D2HGDH: variants seen among roughly 807,000 people sequenced by gnomAD.
D2HGDH encodes the protein D-2-hydroxyglutarate dehydrogenase, mitochondrial.
A neutral mutation model predicts 46.9 loss-of-function variants in D2HGDH; 31 were observed. The observed-to-expected ratio is 0.66, with a 90% CI of 0.50 to 0.89. The LOEUF (loss-of-function observed/expected upper bound fraction) is 0.89, where lower values mean the gene tolerates loss of function less well. D2HGDH is among the 40% of genes least tolerant of loss of function. D2HGDH has a pLI of 0.00. For synonymous variants in D2HGDH, 364 were observed against 332.6 expected, an observed-to-expected ratio of 1.09 and a Z score of -1.03; for missense variants, 698 against 720.8, an observed-to-expected ratio of 0.97 and a Z score of 0.36.
intron 6 of D2HGDH, chr2:241,749,718 G>C (rs568403792): frequency 3.0e-6 from 1 of 330,832 alleles, no homozygotes; most frequent in Admixed American, 4.4e-5. Context: ...GTGGTTCTTC[G>C]GCGCCTTCCC....
chr2:241,747,551 T>G (rs1575258249), intron 6 of D2HGDH, among the ~76,000 whole-genome samples: 5 of 151,370 alleles, frequency 3.3e-5, no homozygotes, highest in South Asian at 4.2e-4. Flanking sequence ...AGAGTGTTTT[T>G]TTTTTTTTTT....
chr2:241,758,156 G>A (rs2076495938), intron 9 of D2HGDH, among the ~76,000 whole-genome samples: 2 of 152,214 alleles, frequency 1.3e-5, no homozygotes, highest in South Asian at 2.1e-4. Flanking sequence ...TGCTGGATGA[G>A]TTTGTTTATG....
chr2:241,755,588 ACTGT>A (rs762406870), intron 8 of D2HGDH: 2 of 1,482,702 alleles, frequency 1.3e-6, no homozygotes, highest in South Asian at 1.2e-5. Flanking sequence ...TGGGACATTC[ACTGT>A]CTGGGATTGA....
rs1252789625 is a variant in D2HGDH at position 241,768,687 on chromosome 2, A to C, written c.*718A>C. 1 of 152,176 alleles carries C rather than the reference A, an allele frequency of 6.6e-6. No individual in the cohort carries two copies. Among genetic ancestry groups the C allele is most frequent in the Non-Finnish European group, 1.5e-5 (1 of 68,134 alleles). 9.4% of individuals were successfully genotyped at this position (152,176 alleles called of 1,614,324 possible). ...TGCGGGCGAGGGCCCCGGCACGGAC[A>C]AGGGCCACTGCAGAGTGTGTTTCTG... On this transcript the variant is annotated 3_prime_UTR_variant, in exon 10 of 10. Coordinates refer to ENST00000321264, the MANE Select transcript of D2HGDH (RefSeq NM_152783.5).
chr2:241,756,153 A>G, intron 9 of D2HGDH, 139 bp downstream of exon 9: 1 of 1,266,996 alleles, frequency 7.9e-7, no homozygotes, highest in Non-Finnish European at 1.1e-6. Flanking sequence ...CACTGGCAGG[A>G]CCACGGTGTC....
rs1489075007 is a variant in D2HGDH, at chr2:241,768,272, G to A, written c.*303G>A. The A allele has an allele frequency of 2.3e-6, 1 of 435,120 alleles. No homozygotes were observed. Among genetic ancestry groups the A allele is most frequent in the Non-Finnish European group, 4.2e-6 (1 of 239,910 alleles). The allele number at this position is 435,120 out of a possible 1,614,324, so 27.0% of individuals were successfully genotyped here. The stretch of plus-strand genomic sequence containing the variant: ...TGGAAGCGGGGTGGGTCTCACTTGC[G>A]TGGTGGCCCCTGGCCCCATCTTGCC... On this transcript the variant is annotated 3_prime_UTR_variant, in exon 10 of 10. Coordinates refer to ENST00000321264, the MANE Select transcript of D2HGDH (RefSeq NM_152783.5).
At chr2:241,755,678 G>A (rs986902733) in intron 8 of D2HGDH, 171 bp from the exon 9 acceptor site, 11 of 1,547,540 alleles carry the variant, frequency 7.1e-6, no homozygotes, top group African/African-American at 2.7e-5. Context: ...TGGGACATTC[G>A]CTGTCTGGGG....
At chr2:241,738,522 A>G (rs1302272367) in intron 2 of D2HGDH, among the ~76,000 whole-genome samples, 1 of 152,166 alleles carries the variant, frequency 6.6e-6, no homozygotes, top group African/African-American at 2.4e-5. Flanking sequence ...TGCTGCCCTC[A>G]TGGGCAAGGG....
chr2:241,764,189 C>T (rs182082950), intron 9 of D2HGDH, among the ~76,000 whole-genome samples: 5 of 130,582 alleles, frequency 3.8e-5, no homozygotes, highest in African/African-American at 1.5e-4. Context: ...GTGGGAGGGG[C>T]GGGGACTGGG....
intron 6 of D2HGDH, 118 bp downstream of exon 6, chr2:241,744,995 T>C (rs1695491429): frequency 1.5e-6 from 2 of 1,329,498 alleles, no homozygotes; most frequent in Admixed American, 1.9e-5. Flanking sequence ...GACAGTCGGT[T>C]CCCGTGTCTC....
intron 6 of D2HGDH, chr2:241,749,605 A>G (rs1013440748): frequency 6.3e-6 from 2 of 319,034 alleles, no homozygotes; most frequent in African/African-American, 4.3e-5. Context: ...GATTGTGTTA[A>G]GAGAAATGCA....
At chr2:241,737,130 G>A (rs536206529) in intron 2 of D2HGDH, among the ~76,000 whole-genome samples, 1 of 152,194 alleles carries the variant, frequency 6.6e-6, no homozygotes, top group African/African-American at 2.4e-5. Flanking sequence ...CACCACGCCC[G>A]GCTCATTCTT....
At chr2:241,735,048 C>T (rs1692375625) in intron 1 of D2HGDH, 85 bp from the exon 2 acceptor site, 1 of 708,394 alleles carries the variant, frequency 1.4e-6, no homozygotes. Flanking sequence ...CCTTCGCTGC[C>T]CTCCTGCCCC....
Position 241,767,861 on chromosome 2 carries a change from G to A in D2HGDH, c.1458G>A (p.Leu486=). ...HGVGFRKRDV[L]GYSKPPGALQ... is the part of the protein sequence containing the mutation. ...TGGGCTTCAGGAAGAGGGACGTCCT[G>A]GGCTACAGCAAGCCACCGGGGGCCC... The change falls in exon 10 of 10, where the codon CTG becomes CTA. Residue 486 remains leucine, a synonymous_variant. Transcript: ENST00000321264. 10 of 1,611,018 alleles carry A rather than the reference G, an allele frequency of 6.2e-6. No individual in the cohort carries two copies. The highest frequency in any genetic ancestry group is 1.3e-5 in the African/African-American group (1 of 74,974).
chr2:241,749,444 G>A (rs1055815165), intron 6 of D2HGDH: 7 of 1,135,646 alleles, frequency 6.2e-6, no homozygotes, highest in East Asian at 6.1e-5. Context: ...GGGGCTGCCC[G>A]CCTGCAGACA....
In D2HGDH at chr2:241,768,770, A is replaced by G. The variant is rs35671465; in HGVS notation, c.*801A>G. 25,075 of 152,218 alleles carry G rather than the reference A, an allele frequency of 0.16. 2,174 individuals are homozygous for G. The highest frequency in any genetic ancestry group is 0.21 in the Admixed American group (3,142 of 15,296). The allele number at this position is 152,218 out of a possible 1,614,324, so 9.4% of individuals were successfully genotyped here. On this transcript the variant is annotated 3_prime_UTR_variant, in exon 10 of 10. Transcript: ENST00000321264. ...GGCGATGCAGCTGGATGCACATCTC[A>G]TTCTGTCATGAATGTCCAGTAAAAA...
intron 2 of D2HGDH, among the ~76,000 whole-genome samples, chr2:241,738,357 C>CCT (rs1447423837): frequency 1.3e-5 from 2 of 152,228 alleles, no homozygotes; most frequent in Non-Finnish European, 2.9e-5. Context: ...GGCAGATGAC[C>CCT]CTCAGTGCCT....
chr2:241,767,601 G>A, intron 9 of D2HGDH, 109 bp from the exon 10 acceptor site: 1 of 1,506,708 alleles, frequency 6.6e-7, no homozygotes, highest in Admixed American at 1.8e-5. Context: ...GGCTCAGCCG[G>A]GGGTCTCGGG....
intron 2 of D2HGDH, 145 bp downstream of exon 2, chr2:241,735,661 G>T (rs1411906769): frequency 7.9e-6 from 9 of 1,142,060 alleles, no homozygotes; most frequent in African/African-American, 1.5e-5. Flanking sequence ...ACCGCCACAG[G>T]CTGCTGGAAT....
Sources: gnomAD v4.1 joint callset for allele counts (sites outside exome capture counted in the v4.1 genomes callset) on GRCh38, gnomAD v4.1.1 for gene constraint, MANE v1.5 for transcripts, NCBI Gene and HGNC (gene_info 2026-07-23, HGNC 2026-07-21) for gene names.